The following CALN1 variants were observed in gnomAD, a reference collection of about 807,000 sequenced individuals.
The protein encoded by CALN1 is calcium-binding protein 8.
In CALN1, 17 loss-of-function variants were observed where a neutral mutation model predicts 30.6. The observed-to-expected ratio is 0.56, with a 90% confidence interval of 0.38 to 0.83. The LOEUF (loss-of-function observed/expected upper bound fraction) is 0.83. Among genes scored for constraint, CALN1 ranks in the 40% least tolerant of loss-of-function variants. The pLI is 0.00. For synonymous variants in CALN1, 156 were observed against 131.4 expected (o/e 1.19, Z -1.28); for missense variants, 291 against 354.9 (o/e 0.82, Z 1.45).
chr7:72,391,105 G>A (rs937756895), intron 2 of CALN1, among the ~76,000 whole-genome samples: 1 of 152,140 alleles, frequency 6.6e-6, no homozygotes, highest in Non-Finnish European at 1.5e-5. Flanking sequence ...TCGGCTTGTG[G>A]AGAATTGAGA....
intron 3 of CALN1, among the ~76,000 whole-genome samples, chr7:72,208,337 T>C (rs896899452): frequency 4.6e-5 from 7 of 152,348 alleles, no homozygotes; most frequent in Middle Eastern, 3.4e-3. Flanking sequence ...TTCACACTGG[T>C]GGTTTCTAAT....
chr7:72,075,377 A>G lies in CALN1; in HGVS notation c.388+30774T>C, dbSNP rs76489809. The stretch of plus-strand genomic sequence containing the variant: ...AAGATTAACCACCTCAAGCAGGAAT[A>G]AAGACAATCAGGCTGAAAGTTAAAA... On this transcript the variant is annotated intron_variant, in intron 4 of 6. Coordinates refer to ENST00000395275, the MANE Select transcript of CALN1 (RefSeq NM_031468.4). Among the ~76,000 whole-genome samples, 870 of 152,326 alleles carry G rather than the reference A, an allele frequency of 5.7e-3. 8 individuals carry two copies. Among genetic ancestry groups the G allele is most frequent in the African/African-American group, 0.02 (828 of 41,586 alleles).
At chr7:71,864,739 C>T (rs1191025000) in intron 5 of CALN1, among the ~76,000 whole-genome samples, 4 of 152,158 alleles carry the variant, frequency 2.6e-5, no homozygotes, top group Non-Finnish European at 4.4e-5. Context: ...TGGTAGCTCA[C>T]GCCTGTAATC....
At chr7:72,226,272 A>G (rs147977405) in intron 3 of CALN1, among the ~76,000 whole-genome samples, 13 of 152,054 alleles carry the variant, frequency 8.5e-5, no homozygotes, top group African/African-American at 3.1e-4. Context: ...AAAGAAAGAA[A>G]GAATTAGCAA....
intron 1 of CALN1, among the ~76,000 whole-genome samples, chr7:72,406,847 C>T (rs1486116107): frequency 3.9e-5 from 6 of 151,944 alleles, no homozygotes; most frequent in East Asian, 1.9e-4. Context: ...AACTTCTGAC[C>T]TCAAGTGATC....
At chr7:72,385,214 A>C (rs930770260) in intron 2 of CALN1, among the ~76,000 whole-genome samples, 2 of 152,270 alleles carry the variant, frequency 1.3e-5, no homozygotes, top group Non-Finnish European at 2.9e-5. Context: ...AAAATGGTAT[A>C]GTCACTTTGG....
Position 72,398,451 on chromosome 7 carries a change from G to A in CALN1, c.119+4800C>T, listed in dbSNP as rs1397031162. On this transcript the variant is annotated intron_variant, in intron 2 of 6. Coordinates refer to ENST00000395275, the MANE Select transcript of CALN1 (RefSeq NM_031468.4). Reference sequence around the variant, plus strand: ...AAAAAACACTTTGTTTGGAACATGAGTTATTTTTAGATCACATATCAATAG... The same window carrying A: ...AAAAAACACTTTGTTTGGAACATGAATTATTTTTAGATCACATATCAATAG... Among the ~76,000 whole-genome samples, 4 of 152,282 alleles carry A rather than the reference G, an allele frequency of 2.6e-5. No homozygotes were observed. The East Asian group carries it at 7.7e-4, about 29-fold the overall frequency.
intron 5 of CALN1, among the ~76,000 whole-genome samples, chr7:71,827,883 C>T (rs1789024986): frequency 6.6e-6 from 1 of 151,980 alleles, no homozygotes; most frequent in South Asian, 2.1e-4. Context: ...AGGGTGGGTC[C>T]ATGTGGATAT....
chr7:72,315,242 T>C (rs971076678), intron 2 of CALN1, among the ~76,000 whole-genome samples: 2 of 150,710 alleles, frequency 1.3e-5, no homozygotes, highest in Admixed American at 6.6e-5. Flanking sequence ...TTTTGCAACA[T>C]GTAATAAAGG....
chr7:72,303,514 G>A (rs763185418), intron 2 of CALN1, among the ~76,000 whole-genome samples: 9 of 150,398 alleles, frequency 6.0e-5, no homozygotes, highest in Middle Eastern at 3.4e-3. Context: ...CCAAGATCGC[G>A]CCATTGCACT....
intron 1 of CALN1, among the ~76,000 whole-genome samples, chr7:72,442,876 A>ACTTATTTAGGC (rs1187398079): frequency 1.3e-5 from 2 of 151,978 alleles, no homozygotes; most frequent in Non-Finnish European, 2.9e-5. Context: ...CTTATTTAGG[A>ACTTATTTAGGC]TTGCACTTTA....
chr7:71,972,034 A>C (rs77842066), intron 5 of CALN1, among the ~76,000 whole-genome samples: 2,240 of 142,014 alleles, frequency 0.016, 42 homozygotes, highest in Admixed American at 0.031. Context: ...GAAAGAAAGA[A>C]AGACACACTC....
chr7:71,913,904 G>A (rs1039398062), intron 5 of CALN1: 1 of 152,218 alleles, frequency 6.6e-6, no homozygotes, highest in African/African-American at 2.4e-5. Flanking sequence ...TTCATCACAA[G>A]CCTGTACAAG....
At chr7:72,305,423 G>T (rs1366572062) in intron 2 of CALN1, among the ~76,000 whole-genome samples, 1 of 152,140 alleles carries the variant, frequency 6.6e-6, no homozygotes, top group Admixed American at 6.6e-5. Flanking sequence ...AATATGGAAG[G>T]ATTTAATTGT....
At chr7:72,380,716 G>GATAGATAGATAC (rs1554394763) in intron 2 of CALN1, among the ~76,000 whole-genome samples, 10 of 150,736 alleles carry the variant, frequency 6.6e-5, no homozygotes, top group Non-Finnish European at 1.0e-4. Context: ...TAGATAGATA[G>GATAGATAGATAC]ATAGATACAT....
intron 3 of CALN1, among the ~76,000 whole-genome samples, chr7:72,250,549 T>TG (rs1795481895): frequency 1.3e-5 from 2 of 152,140 alleles, no homozygotes; most frequent in Admixed American, 1.3e-4. Context: ...AAACTCATAT[T>TG]GAAATGTGAT....
chr7:72,190,096 C>T (rs999129138), intron 3 of CALN1, among the ~76,000 whole-genome samples: 2 of 152,146 alleles, frequency 1.3e-5, no homozygotes, highest in African/African-American at 4.8e-5. Flanking sequence ...TGGTTCATGC[C>T]TGTAATCCCA....
At position 72,034,328 on chromosome 7, in the gene CALN1, T is replaced by C. The variant is rs549012548; in HGVS notation, c.389-10559A>G. Among the ~76,000 whole-genome samples, 31 of 133,358 alleles carry C rather than the reference T, an allele frequency of 2.3e-4. No individual in the cohort carries two copies. In the Middle Eastern group the frequency reaches 0.015, roughly 65 times the overall value. The allele number at this position is 133,358 out of a possible 152,430, so 87.5% of individuals were successfully genotyped here. On this transcript the variant is annotated intron_variant, in intron 4 of 6. Transcript: ENST00000395275. ...GAGATTGTGCCACTGCACTCCAGCC[T>C]GGGTGACAGAGCAAGACTCTGTCTC...
the CALN1 span, among the ~76,000 whole-genome samples, chr7:72,485,327 A>C: frequency 1.3e-5 from 2 of 151,696 alleles, no homozygotes; most frequent in African/African-American, 4.8e-5. Context: ...GGGAGGCCAA[A>C]GTGGGAGGAT....
Sources: gnomAD v4.1 joint callset for allele counts (sites outside exome capture counted in the v4.1 genomes callset) on GRCh38, gnomAD v4.1.1 for gene constraint, MANE v1.5 for transcripts, NCBI Gene and HGNC (gene_info 2026-07-23, HGNC 2026-07-21) for gene names.